MTF2: variants seen among roughly 807,000 people sequenced by gnomAD.
The protein encoded by MTF2 is metal response element binding transcription factor 2, also known as metal-response element-binding transcription factor 2.
Under a neutral mutation model 79.5 loss-of-function variants are expected in MTF2, and 11 were observed. The ratio of observed to expected loss-of-function variants is 0.14; its 90% CI spans 0.09 to 0.23. The LOEUF (loss-of-function observed/expected upper bound fraction) is 0.23, where lower values mean the gene tolerates loss of function less well. MTF2 is among the 10% of genes least tolerant of loss of function. The pLI is 1.00. For synonymous variants in MTF2, 208 were observed against 232.8 expected, an observed-to-expected ratio of 0.89 and a Z score of 0.97; for missense variants, 486 against 711.2, an observed-to-expected ratio of 0.68 and a Z score of 3.60.
chr1:93,085,222 CTGGAGTGCAG>C (rs1280637495), intron 1 of MTF2, among the ~76,000 whole-genome samples: 3 of 150,392 alleles, frequency 2.0e-5, no homozygotes, highest in Non-Finnish European at 3.0e-5. Context: ...GGAGTCCAGG[CTGGAGTGCAG>C]TGGCACCATC....
intron 1 of MTF2, among the ~76,000 whole-genome samples, chr1:93,082,121 G>C (rs555769000): frequency 2.6e-5 from 4 of 152,024 alleles, no homozygotes; most frequent in African/African-American, 7.2e-5. Flanking sequence ...TTCTGCTTCT[G>C]TGTCAAAAAA....
intron 3 of MTF2, among the ~76,000 whole-genome samples, chr1:93,112,943 A>G (rs1348987158): frequency 1.3e-5 from 2 of 152,212 alleles, no homozygotes; most frequent in Non-Finnish European, 2.9e-5. Context: ...GAGTCAGGTC[A>G]GGCACCTCCC....
At chr1:93,108,793 A>C (rs2101054719) in intron 1 of MTF2, among the ~76,000 whole-genome samples, 1 of 152,152 alleles carries the variant, frequency 6.6e-6, no homozygotes, top group African/African-American at 2.4e-5. Context: ...TTTCAAACTG[A>C]AACACTCCGT....
chr1:93,120,964 A>C, intron 9 of MTF2: 1 of 1,096,184 alleles, frequency 9.1e-7, no homozygotes, highest in South Asian at 2.5e-5. Context: ...GGAGGGAGAA[A>C]TCTTTAGTAT....
intron 11 of MTF2, 72 bp from the exon 12 acceptor site, chr1:93,133,631 G>C: frequency 1.1e-6 from 1 of 904,164 alleles, no homozygotes; most frequent in Non-Finnish European, 1.7e-6. Context: ...TATGTGTCTA[G>C]TTACATACAT....
At chr1:93,121,234 C>CT (rs1445990915) in intron 9 of MTF2, 22 of 956,386 alleles carry the variant, frequency 2.3e-5, no homozygotes, top group Admixed American at 6.2e-5. Flanking sequence ...GGTTTACAGT[C>CT]TTTTTTTAAA....
intron 1 of MTF2, among the ~76,000 whole-genome samples, chr1:93,093,101 G>A (rs563318137): frequency 1.3e-5 from 2 of 152,008 alleles, no homozygotes; most frequent in South Asian, 4.2e-4. Flanking sequence ...AGAATCGCTT[G>A]AACCCGGGAG....
At chr1:93,120,928 A>G in intron 9 of MTF2, 5 of 1,149,640 alleles carry the variant, frequency 4.3e-6, no homozygotes, top group Non-Finnish European at 4.3e-6. Context: ...TTCTGAAGTG[A>G]AAGTCATTGT....
chr1:93,110,096 T>A (rs1557550766), intron 1 of MTF2, 134 bp from the exon 2 acceptor site: 12 of 797,274 alleles, frequency 1.5e-5, no homozygotes, highest in Non-Finnish European at 2.4e-5. Context: ...TATTTATGAT[T>A]TGAGGTACTT....
chr1:93,120,741 AAC>A (rs1452078874), intron 9 of MTF2, 69 bp downstream of exon 9: 1 of 1,562,600 alleles, frequency 6.4e-7, no homozygotes, highest in Admixed American at 2.2e-5. Context: ...TTTTTCAAAA[AAC>A]AACTGAGACA....
chr1:93,114,627 G>T, intron 3 of MTF2, 61 bp from the exon 4 acceptor site: 1 of 1,270,432 alleles, frequency 7.9e-7, no homozygotes, highest in East Asian at 2.4e-5. Flanking sequence ...AGTCATAAAA[G>T]TGGTTTTGTT....
chr1:93,120,943 A>T (rs1656451086), intron 9 of MTF2: 7 of 1,129,466 alleles, frequency 6.2e-6, no homozygotes, highest in Non-Finnish European at 7.6e-6. Flanking sequence ...CATTGTAGTT[A>T]AAGATAGAAG....
At chr1:93,091,407 C>T (rs924725582) in intron 1 of MTF2, among the ~76,000 whole-genome samples, 3 of 152,136 alleles carry the variant, frequency 2.0e-5, no homozygotes, top group African/African-American at 7.2e-5. Flanking sequence ...GTTGCCCAGA[C>T]TAGTTTTCTA....
At chr1:93,111,924 G>A (rs1350170528) in intron 3 of MTF2, among the ~76,000 whole-genome samples, 1 of 152,020 alleles carries the variant, frequency 6.6e-6, no homozygotes, top group Non-Finnish European at 1.5e-5. Context: ...TTCAGCTTTT[G>A]AAGATCTTTT....
At chr1:93,100,024 G>C (rs1223521745) in intron 1 of MTF2, among the ~76,000 whole-genome samples, 1 of 152,166 alleles carries the variant, frequency 6.6e-6, no homozygotes, top group African/African-American at 2.4e-5. Flanking sequence ...GTAGGAAATA[G>C]GAGTTGGCAT....
At chr1:93,092,051 T>A (rs1338857054) in intron 1 of MTF2, among the ~76,000 whole-genome samples, 1 of 152,210 alleles carries the variant, frequency 6.6e-6, no homozygotes, top group Non-Finnish European at 1.5e-5. Flanking sequence ...ATGTGCTGGA[T>A]GTCTTAGATG....
chr1:93,092,842 T>C (rs1040389375), intron 1 of MTF2, among the ~76,000 whole-genome samples: 2 of 152,090 alleles, frequency 1.3e-5, no homozygotes, highest in Admixed American at 1.3e-4. Context: ...AAGAACCACG[T>C]AGAATATGGT....
chr1:93,121,884 C>A, intron 9 of MTF2: 1 of 392,654 alleles, frequency 2.5e-6, no homozygotes. Flanking sequence ...TCACCGCAAC[C>A]TCCGCCTCCC....
intron 1 of MTF2, among the ~76,000 whole-genome samples, chr1:93,097,408 C>G (rs1169450728): frequency 6.6e-6 from 1 of 152,152 alleles, no homozygotes; most frequent in Non-Finnish European, 1.5e-5. Context: ...CTCCTTTGCT[C>G]TCAATACCAC....
Sources: gnomAD v4.1 joint callset for allele counts (sites outside exome capture counted in the v4.1 genomes callset) on GRCh38, gnomAD v4.1.1 for gene constraint, MANE v1.5 for transcripts, NCBI Gene and HGNC (gene_info 2026-07-23, HGNC 2026-07-21) for gene names.